The following REEP1 variants were observed in gnomAD, a reference collection of about 807,000 sequenced individuals.
REEP1 encodes receptor expression-enhancing protein 1.
A neutral mutation model predicts 40.3 loss-of-function variants in REEP1; 22 were observed. The observed-to-expected ratio is 0.55, with a 90% CI of 0.39 to 0.78. The LOEUF is 0.78. Among genes scored for constraint, REEP1 ranks in the 30% least tolerant of loss-of-function variants. The probability of loss-of-function intolerance (pLI) is 0.00; values close to 1 mark genes in which losing one functional copy is unlikely to be tolerated. For missense variants in REEP1, 280 were observed against 361.1 expected (o/e 0.78, Z 1.82); for synonymous variants, 116 against 139.2 (o/e 0.83, Z 1.17).
At chr2:86,271,710 T>A (rs1677461517) in intron 2 of REEP1, among the ~76,000 whole-genome samples, 1 of 152,248 alleles carries the variant, frequency 6.6e-6, no homozygotes, top group Non-Finnish European at 1.5e-5. Flanking sequence ...CCAGGTTGTC[T>A]GTAGCAGCAC....
chr2:86,317,035 G>T (rs747999326), intron 1 of REEP1, among the ~76,000 whole-genome samples: 4 of 152,132 alleles, frequency 2.6e-5, no homozygotes, highest in Non-Finnish European at 5.9e-5. Context: ...CTGACACTCT[G>T]ACCTCCTGAC....
At chr2:86,323,252 T>C (rs1344524568) in intron 1 of REEP1, among the ~76,000 whole-genome samples, 1 of 152,246 alleles carries the variant, frequency 6.6e-6, no homozygotes, top group Non-Finnish European at 1.5e-5. Context: ...GTTTCGTACA[T>C]TAAATGCTAG....
At chr2:86,240,251 G>A (rs1050382806) in intron 5 of REEP1, among the ~76,000 whole-genome samples, 3 of 152,218 alleles carry the variant, frequency 2.0e-5, no homozygotes, top group African/African-American at 7.2e-5. Context: ...GCACCGCAGA[G>A]GAACAAAGAC....
chr2:86,220,396 T>C lies in REEP1; in HGVS notation c.632-275A>G, dbSNP rs985556001. On this transcript the variant is annotated intron_variant, in intron 7 of 8. Transcript: ENST00000538924. ...ACTGAATTCTGAGTAATTCAGTAGA[T>C]TTACTAAGGGGGCATCACTTCCCTG... Among the ~76,000 whole-genome samples, 7 of 152,058 alleles carry C rather than the reference T, an allele frequency of 4.6e-5. No individual in the cohort carries two copies. The South Asian group carries it at 1.5e-3, about 32-fold the overall frequency.
chr2:86,268,532 T>C (rs1362584136), intron 2 of REEP1, among the ~76,000 whole-genome samples: 1 of 152,176 alleles, frequency 6.6e-6, no homozygotes, highest in Admixed American at 6.5e-5. Flanking sequence ...GAGAACTCAA[T>C]ATTGTCAAGA....
chr2:86,302,935 G>A (rs1679316835), intron 1 of REEP1, among the ~76,000 whole-genome samples: 1 of 152,022 alleles, frequency 6.6e-6, no homozygotes, highest in East Asian at 1.9e-4. Context: ...AAGATGAGTG[G>A]GACAGTCCTG....
chr2:86,270,688 A>G (rs888487714), intron 2 of REEP1, among the ~76,000 whole-genome samples: 1 of 152,184 alleles, frequency 6.6e-6, no homozygotes, highest in African/African-American at 2.4e-5. Context: ...GGATACAACA[A>G]AAGAAAAGAT....
chr2:86,221,792 G>C (rs1674442916), intron 7 of REEP1, among the ~76,000 whole-genome samples: 1 of 152,150 alleles, frequency 6.6e-6, no homozygotes, highest in African/African-American at 2.4e-5. Context: ...CTCAGCTCTA[G>C]TCCCAAGTCA....
chr2:86,247,315 G>A (rs77800711), intron 5 of REEP1, among the ~76,000 whole-genome samples: 82 of 152,262 alleles, frequency 5.4e-4, no homozygotes, highest in African/African-American at 1.9e-3. Flanking sequence ...TTGAGGGTGG[G>A]ATAGGGGTTA....
intron 1 of REEP1, among the ~76,000 whole-genome samples, chr2:86,330,687 C>A (rs1430317769): frequency 6.6e-6 from 1 of 152,038 alleles, no homozygotes; most frequent in Non-Finnish European, 1.5e-5. Flanking sequence ...CTCAAGTGAT[C>A]TGTCCACCTC....
At chr2:86,272,570 A>G (rs747541381) in intron 2 of REEP1, among the ~76,000 whole-genome samples, 5 of 152,200 alleles carry the variant, frequency 3.3e-5, no homozygotes, top group African/African-American at 4.8e-5. Context: ...TCTGTTCTAG[A>G]CATCTGCTTC....
At chr2:86,232,210 T>C (rs1471403072) in intron 6 of REEP1, among the ~76,000 whole-genome samples, 7 of 152,122 alleles carry the variant, frequency 4.6e-5, no homozygotes, top group Non-Finnish European at 8.8e-5. Flanking sequence ...GTGAGAGCAG[T>C]AAGCCCCGGG....
Position 86,217,051 on chromosome 2 carries a change from G to C in REEP1, c.843C>G (p.Thr281=). ...TGGCTCATCTCACTCACGTGGTTTCGGTGGCCGAGGATGAGGTACTTTTCT... is the reference window on the plus strand; with the variant it reads ...TGGCTCATCTCACTCACGTGGTTTCCGTGGCCGAGGATGAGGTACTTTTCT... The part of the protein sequence containing the change: ...FRKKSTSSSA[T]ETT The change falls in exon 9 of 9, where the codon ACC becomes ACG. Residue 281 remains threonine, a synonymous_variant. Transcript: ENST00000538924. 2 of 1,613,912 alleles carry C rather than the reference G, an allele frequency of 1.2e-6. No individual in the cohort carries two copies. Among genetic ancestry groups the C allele is most frequent in the Admixed American group, 1.7e-5 (1 of 60,008 alleles).
intron 5 of REEP1, chr2:86,251,627 C>T: frequency 2.7e-6 from 1 of 373,362 alleles, no homozygotes; most frequent in South Asian, 2.2e-5. Context: ...TTCTCCCAGG[C>T]CTAAGTGCCA....
intron 5 of REEP1, among the ~76,000 whole-genome samples, chr2:86,241,669 G>A (rs757093392): frequency 1.3e-5 from 2 of 152,146 alleles, no homozygotes; most frequent in African/African-American, 2.4e-5. Context: ...CCCTGGTGCC[G>A]ATCACAGCTC....
At chr2:86,241,186 A>G (rs548922604) in intron 5 of REEP1, among the ~76,000 whole-genome samples, 1 of 152,302 alleles carries the variant, frequency 6.6e-6, no homozygotes, top group African/African-American at 2.4e-5. Flanking sequence ...GCTTTGCCTC[A>G]TCTATACTTC....
At chr2:86,242,136 T>C (rs1675699126) in intron 5 of REEP1, among the ~76,000 whole-genome samples, 1 of 152,170 alleles carries the variant, frequency 6.6e-6, no homozygotes, top group Non-Finnish European at 1.5e-5. Context: ...ACATTTATTA[T>C]AAACTCTGCA....
At chr2:86,278,638 A>C (rs1430275058) in intron 2 of REEP1, among the ~76,000 whole-genome samples, 1 of 152,232 alleles carries the variant, frequency 6.6e-6, no homozygotes, top group East Asian at 1.9e-4. Context: ...ACATCTCCCA[A>C]CATGAGCATC....
At chr2:86,318,654 T>C (rs555327143) in intron 1 of REEP1, among the ~76,000 whole-genome samples, 2 of 152,124 alleles carry the variant, frequency 1.3e-5, no homozygotes, top group Non-Finnish European at 2.9e-5. Context: ...TGCCTTGGCG[T>C]TCCAAAGTGC....
Sources: gnomAD v4.1 joint callset for allele counts (sites outside exome capture counted in the v4.1 genomes callset) on GRCh38, gnomAD v4.1.1 for gene constraint, MANE v1.5 for transcripts, NCBI Gene and HGNC (gene_info 2026-07-23, HGNC 2026-07-21) for gene names.